RREB1: variants seen among roughly 807,000 people sequenced by gnomAD.
The protein encoded by RREB1 is ras responsive element binding protein 1.
A neutral mutation model predicts 117.8 loss-of-function variants in RREB1; 27 were observed. The observed-to-expected ratio is 0.23, with a 90% CI of 0.17 to 0.32. RREB1 has a LOEUF of 0.32. Among genes scored for constraint, RREB1 ranks in the 10% least tolerant of loss-of-function variants. The pLI, the probability that RREB1 is intolerant of heterozygous loss-of-function variation, is 1.00. For missense variants in RREB1, 2,577 were observed against 2,378.2 expected, an observed-to-expected ratio of 1.08 and a Z score of -1.74; for synonymous variants, 1,298 against 1,026.7, an observed-to-expected ratio of 1.26 and a Z score of -5.05.
chr6:7,172,610 G>T (rs1011393563), intron 1 of RREB1, among the ~76,000 whole-genome samples: 2 of 152,042 alleles, frequency 1.3e-5, no homozygotes, highest in African/African-American at 2.4e-5. Context: ...GGACGAAGCA[G>T]CTCACGGTGC....
intron 1 of RREB1, among the ~76,000 whole-genome samples, chr6:7,150,650 T>C (rs1763076703): frequency 6.6e-6 from 1 of 152,362 alleles, no homozygotes; most frequent in South Asian, 2.1e-4. Context: ...GACTGTTAGA[T>C]GCTCAGGGCA....
intron 1 of RREB1, among the ~76,000 whole-genome samples, chr6:7,168,976 A>G (rs1764088167): frequency 6.6e-6 from 1 of 152,200 alleles, no homozygotes; most frequent in Admixed American, 6.5e-5. Flanking sequence ...TATTTCTAGC[A>G]TAGAGTTTAT....
chr6:7,210,976 C>T, intron 7 of RREB1, 28 bp downstream of exon 7: 2 of 1,605,200 alleles, frequency 1.2e-6, no homozygotes, highest in South Asian at 2.2e-5. Flanking sequence ...TGCAGATTCA[C>T]CTGCTCAGGG....
At chr6:7,168,254 GAAAAAA>G (rs574593859) in intron 1 of RREB1, among the ~76,000 whole-genome samples, 1 of 72,928 alleles carries the variant, frequency 1.4e-5, no homozygotes, top group Non-Finnish European at 2.7e-5. Flanking sequence ...GACTCCGTCT[GAAAAAA>G]AAAAAAAAAA....
chr6:7,235,891 C>T (rs2113143538), intron 10 of RREB1, among the ~76,000 whole-genome samples: 1 of 152,332 alleles, frequency 6.6e-6, no homozygotes, highest in Middle Eastern at 3.4e-3. Flanking sequence ...TCAGCCTTTT[C>T]TTGCTCCCGG....
At chr6:7,195,103 C>T (rs1297462408) in intron 6 of RREB1, among the ~76,000 whole-genome samples, 2 of 152,036 alleles carry the variant, frequency 1.3e-5, no homozygotes, top group Non-Finnish European at 2.9e-5. Context: ...ATTGAGTAAA[C>T]ATTCATATAA....
Position 7,242,649 on chromosome 6 carries a change from C to A in RREB1, c.3973+2047C>A, listed in dbSNP as rs143632668. Among the ~76,000 whole-genome samples the A allele has an allele frequency of 2.0e-3, 298 of 151,062 alleles. 1 individual carries two copies. In the East Asian group the frequency reaches 0.029, roughly 15 times the overall value. On this transcript the variant is annotated intron_variant, in intron 11 of 12. Transcript: ENST00000379938. ...GAAGCCTTCATTCTGGGTTCCCCCC[C>A]CCCAGTGAAGTTTAAAAAGTGAGGC...
intron 8 of RREB1, among the ~76,000 whole-genome samples, chr6:7,221,214 TGC>T (rs1376964534): frequency 1.3e-5 from 2 of 151,850 alleles, no homozygotes; most frequent in Non-Finnish European, 2.9e-5. Flanking sequence ...CAGGCCGGAC[TGC>T]GGACTGCAGT....
intron 1 of RREB1, among the ~76,000 whole-genome samples, chr6:7,147,548 C>G (rs1762927043): frequency 6.6e-6 from 1 of 152,162 alleles, no homozygotes; most frequent in South Asian, 2.1e-4. Flanking sequence ...TGTTTTCTTT[C>G]TCTGGCCTCA....
At chr6:7,146,362 G>C (rs1762858311) in intron 1 of RREB1, among the ~76,000 whole-genome samples, 1 of 152,106 alleles carries the variant, frequency 6.6e-6, no homozygotes, top group Admixed American at 6.5e-5. Context: ...TGGCCTGAGA[G>C]GGGGAAAGCA....
intron 11 of RREB1, among the ~76,000 whole-genome samples, chr6:7,244,117 G>A (rs1338487540): frequency 6.6e-6 from 1 of 151,756 alleles, no homozygotes; most frequent in Non-Finnish European, 1.5e-5. Context: ...ACAAAAATTA[G>A]CTGGGCATGG....
intron 8 of RREB1, chr6:7,218,470 C>T (rs1364260536): frequency 6.6e-6 from 1 of 151,860 alleles, no homozygotes; most frequent in Non-Finnish European, 1.5e-5. Context: ...AACTGTTTAG[C>T]CACAAGGTTA....
At chr6:7,114,477 G>C (rs1284697736) in intron 1 of RREB1, among the ~76,000 whole-genome samples, 7 of 151,782 alleles carry the variant, frequency 4.6e-5, no homozygotes, top group Middle Eastern at 3.2e-3. Context: ...GTGGGGGGGG[G>C]GGCGGCAGCG....
intron 4 of RREB1, among the ~76,000 whole-genome samples, chr6:7,186,396 G>C (rs1434068405): frequency 6.6e-6 from 1 of 152,194 alleles, no homozygotes; most frequent in Non-Finnish European, 1.5e-5. Context: ...CCCAACCCCA[G>C]TCCCCCAGTG....
At chr6:7,225,017 C>T (rs1004862996) in intron 8 of RREB1, among the ~76,000 whole-genome samples, 15 of 152,256 alleles carry the variant, frequency 9.9e-5, no homozygotes, top group African/African-American at 3.1e-4. Context: ...GCAAGCAGGG[C>T]GGCACATACT....
chr6:7,112,034 A>G (rs1013529318), intron 1 of RREB1, among the ~76,000 whole-genome samples: 4 of 152,180 alleles, frequency 2.6e-5, no homozygotes, highest in Non-Finnish European at 5.9e-5. Context: ...CTTTACTGAG[A>G]TTACCATTCC....
At chr6:7,131,069 G>C (rs917597275) in intron 1 of RREB1, among the ~76,000 whole-genome samples, 3 of 151,268 alleles carry the variant, frequency 2.0e-5, no homozygotes, top group Non-Finnish European at 4.4e-5. Context: ...CTCCGGAGTA[G>C]GTGGGACTAC....
rs372956114 is a variant in RREB1 at position 7,246,426 on chromosome 6, A to G, written c.3976A>G (p.Ser1326Gly). 4 of 1,479,698 alleles carry G rather than the reference A, an allele frequency of 2.7e-6. No homozygotes were observed. The highest frequency in any genetic ancestry group is 1.8e-4 in the Middle Eastern group (1 of 5,656). 91.7% of individuals were successfully genotyped at this position (1,479,698 alleles called of 1,614,324 possible). ...TCCCCGCTGTGCTTGCCCCACAGAC[A>G]GTCAGTCGGATGCGGAGACTGCAGC... ...SDVGSHDSTD[S>G]QSDAETAAAA... is the part of the protein sequence containing the mutation. The change falls in exon 12 of 13, where the codon AGT becomes GGT. Residue 1326 changes from serine to glycine, a missense_variant and splice_region_variant. Coordinates refer to ENST00000379938, the MANE Select transcript of RREB1 (RefSeq NM_001003699.4).
chr6:7,116,845 C>T (rs953246988), intron 1 of RREB1, among the ~76,000 whole-genome samples: 1 of 152,162 alleles, frequency 6.6e-6, no homozygotes, highest in Admixed American at 6.5e-5. Context: ...ACACTGGGGC[C>T]TTTACTAATT....
Sources: gnomAD v4.1 joint callset for allele counts (sites outside exome capture counted in the v4.1 genomes callset) on GRCh38, gnomAD v4.1.1 for gene constraint, MANE v1.5 for transcripts, NCBI Gene and HGNC (gene_info 2026-07-23, HGNC 2026-07-21) for gene names.